The following SORCS1 variants were observed in gnomAD, a reference collection of about 807,000 sequenced individuals.
SORCS1 encodes the protein VPS10 domain-containing receptor SorCS1.
SORCS1 carries 60 observed loss-of-function variants against 146.1 expected under a neutral mutation model. The observed-to-expected ratio is 0.41, with a 90% CI of 0.33 to 0.51. SORCS1 has a LOEUF of 0.51. Ranked by LOEUF, SORCS1 falls within the 20% of genes least tolerant of loss-of-function variation. The pLI is 0.21. For missense variants in SORCS1, 1,352 were observed against 1,487.6 expected, an observed-to-expected ratio of 0.91 and a Z score of 1.50; for synonymous variants, 637 against 584.0, an observed-to-expected ratio of 1.09 and a Z score of -1.31.
intron 1 of SORCS1, among the ~76,000 whole-genome samples, chr10:106,994,791 G>A (rs1299788657): frequency 1.3e-5 from 2 of 152,198 alleles, no homozygotes; most frequent in African/African-American, 4.8e-5. Context: ...AGGAGAAGAT[G>A]AAGAGGCAAT....
chr10:106,718,240 T>G (rs2135915406), intron 6 of SORCS1, among the ~76,000 whole-genome samples: 1 of 152,306 alleles, frequency 6.6e-6, no homozygotes, highest in South Asian at 2.1e-4. Context: ...GAACCTAGTT[T>G]AGTTGGGTAA....
In SORCS1 at chr10:107,060,281, C is replaced by G. The variant is rs374758952; in HGVS notation, c.558+103688G>C. Among the ~76,000 whole-genome samples the G allele has an allele frequency of 7.9e-4, 120 of 152,220 alleles. 3 individuals are homozygous for G. In the South Asian group the frequency reaches 0.024, roughly 30 times the overall value. On this transcript the variant is annotated intron_variant, in intron 1 of 25. Coordinates refer to ENST00000263054, the MANE Select transcript of SORCS1 (RefSeq NM_052918.5). The surrounding 1 kb of genome is among the most constrained non-coding windows in gnomAD (Gnocchi z 4.1). Reference sequence around the variant, plus strand: ...TGATTTTCAATCATTTATAACACATCCAATAATCTGTTTTCCCCTCATCTG... The same window carrying G: ...TGATTTTCAATCATTTATAACACATGCAATAATCTGTTTTCCCCTCATCTG...
At chr10:106,861,673 C>T (rs1458872730) in intron 2 of SORCS1, among the ~76,000 whole-genome samples, 2 of 151,824 alleles carry the variant, frequency 1.3e-5, no homozygotes, top group East Asian at 2.0e-4. Context: ...AGGTGGATCA[C>T]GAGGTCAAGA....
chr10:106,580,491 T>C (rs1844838813), intron 24 of SORCS1, among the ~76,000 whole-genome samples: 1 of 152,164 alleles, frequency 6.6e-6, no homozygotes, highest in South Asian at 2.1e-4. Flanking sequence ...AAAGTTGACA[T>C]TTTGCAAATG....
chr10:106,581,170 T>C (rs1283616292), intron 24 of SORCS1, among the ~76,000 whole-genome samples: 2 of 152,192 alleles, frequency 1.3e-5, no homozygotes, highest in East Asian at 3.9e-4. Flanking sequence ...TCATAGACAT[T>C]ATCACAATTG....
intron 1 of SORCS1, among the ~76,000 whole-genome samples, chr10:107,128,522 C>G (rs1418377788): frequency 6.6e-6 from 1 of 152,164 alleles, no homozygotes; most frequent in African/African-American, 2.4e-5. Flanking sequence ...AACTCGTTTT[C>G]TCATTTCTAA....
chr10:106,680,607 GA>G (rs1852364558), intron 10 of SORCS1, among the ~76,000 whole-genome samples: 1 of 152,158 alleles, frequency 6.6e-6, no homozygotes, highest in South Asian at 2.1e-4. Context: ...CAAATTATCT[GA>G]TTGAAATATC....
At chr10:106,949,535 A>C (rs1457146326) in intron 2 of SORCS1, among the ~76,000 whole-genome samples, 1 of 152,186 alleles carries the variant, frequency 6.6e-6, no homozygotes, top group Admixed American at 6.5e-5. Context: ...ATTATTCACA[A>C]ACACTACTGG....
intron 1 of SORCS1, among the ~76,000 whole-genome samples, chr10:107,115,031 G>A (rs1412511783): frequency 6.6e-6 from 1 of 151,866 alleles, no homozygotes; most frequent in Non-Finnish European, 1.5e-5. Context: ...AGATACTTAA[G>A]ATAAATTTGG....
At chr10:106,768,961 C>T (rs951788186) in intron 4 of SORCS1, among the ~76,000 whole-genome samples, 13 of 152,196 alleles carry the variant, frequency 8.5e-5, no homozygotes, top group South Asian at 4.1e-4. Context: ...TACATTTAAA[C>T]GACCTGTTGA....
rs193244681 is a variant in SORCS1, at chr10:106,869,745, G to C, written c.627-40072C>G. On this transcript the variant is annotated intron_variant, in intron 2 of 25. Coordinates refer to ENST00000263054, the MANE Select transcript of SORCS1 (RefSeq NM_052918.5). Reference sequence around the variant, plus strand: ...CCCACAGCCAACATCATACTGAATGGGCAACAGCTGAAAACATTCCCCTTG... The same window carrying C: ...CCCACAGCCAACATCATACTGAATGCGCAACAGCTGAAAACATTCCCCTTG... 2.8e-4 allele frequency among the ~76,000 whole-genome samples: 42 copies of C among 152,132 alleles called. 2 individuals are homozygous for C. The highest frequency in any genetic ancestry group is 9.4e-4 in the African/African-American group (39 of 41,508).
chr10:106,657,983 T>A (rs978632278), intron 17 of SORCS1, among the ~76,000 whole-genome samples: 3 of 152,098 alleles, frequency 2.0e-5, no homozygotes, highest in Non-Finnish European at 4.4e-5. Context: ...AAAAAAGTAT[T>A]TAAGTATCAA....
chr10:106,638,576 T>C (rs982035043), intron 18 of SORCS1, among the ~76,000 whole-genome samples: 5 of 152,236 alleles, frequency 3.3e-5, no homozygotes, highest in African/African-American at 9.6e-5. Flanking sequence ...ATCACTATAC[T>C]ATTTTTAGCA....
chr10:106,613,309 G>A (rs974495317), intron 21 of SORCS1, among the ~76,000 whole-genome samples: 1 of 152,146 alleles, frequency 6.6e-6, no homozygotes, highest in African/African-American at 2.4e-5. Context: ...GAAGCCACAG[G>A]AGTCATGGAG....
chr10:107,168,953 C>T (rs7082331), upstream of SORCS1, among the ~76,000 whole-genome samples: 34,683 of 152,022 alleles, frequency 0.23, 4,046 homozygotes, highest in African/African-American at 0.27. Flanking sequence ...ATTTTGGGAA[C>T]AAGTGTGCAC....
chr10:107,109,558 C>T (rs1289750974), intron 1 of SORCS1, among the ~76,000 whole-genome samples: 1 of 152,218 alleles, frequency 6.6e-6, no homozygotes, highest in Non-Finnish European at 1.5e-5. Context: ...GGGCCCTGCC[C>T]CTGAAACCAT....
At chr10:106,856,517 G>T (rs1949793816) in intron 2 of SORCS1, among the ~76,000 whole-genome samples, 1 of 152,190 alleles carries the variant, frequency 6.6e-6, no homozygotes, top group South Asian at 2.1e-4. Flanking sequence ...ATCCCCAGCA[G>T]GTGAGGCTCT....
At chr10:106,602,665 A>T (rs1846323505) in intron 23 of SORCS1, among the ~76,000 whole-genome samples, 1 of 151,850 alleles carries the variant, frequency 6.6e-6, no homozygotes, top group Admixed American at 6.6e-5. Context: ...CCCATCACCC[A>T]CTTTAAGCTT....
intron 1 of SORCS1, among the ~76,000 whole-genome samples, chr10:107,056,463 T>C (rs1270716599): frequency 6.6e-6 from 1 of 152,222 alleles, no homozygotes; most frequent in East Asian, 1.9e-4. Flanking sequence ...TTAATTTTAA[T>C]TGTTCTCTGC....
Sources: gnomAD v4.1 joint callset for allele counts (sites outside exome capture counted in the v4.1 genomes callset) on GRCh38, gnomAD v4.1.1 for gene constraint, Gnocchi (gnomAD v3.1) non-coding constraint, MANE v1.5 for transcripts, NCBI Gene and HGNC (gene_info 2026-07-23, HGNC 2026-07-21) for gene names.